Variants in SHANK2 observed in about 807,000 individuals in gnomAD.
SHANK2 encodes the protein SH3 and multiple ankyrin repeat domains protein 2.
In SHANK2, 43 loss-of-function variants were observed where a neutral mutation model predicts 133.7. The ratio of observed to expected loss-of-function variants is 0.32; its 90% CI spans 0.25 to 0.41. The LOEUF (loss-of-function observed/expected upper bound fraction) is 0.41. Ranked by LOEUF, SHANK2 falls within the 10% of genes least tolerant of loss-of-function variation. The pLI, the probability that SHANK2 is intolerant of heterozygous loss-of-function variation, is 1.00. For synonymous variants in SHANK2, 1,017 were observed against 952.8 expected, an observed-to-expected ratio of 1.07 and a Z score of -1.24; for missense variants, 1,994 against 2,235.8, an observed-to-expected ratio of 0.89 and a Z score of 2.18.
intron 17 of SHANK2, among the ~76,000 whole-genome samples, chr11:70,641,102 C>CTT (rs71049932): frequency 5.6e-4 from 78 of 139,088 alleles, no homozygotes; most frequent in African/African-American, 6.7e-4. Context: ...TTTTTCTTTT[C>CTT]TTTTTTTTTT....
chr11:70,945,965 C>A (rs1555085293), intron 10 of SHANK2, among the ~76,000 whole-genome samples: 1 of 152,050 alleles, frequency 6.6e-6, no homozygotes, highest in Non-Finnish European at 1.5e-5. Context: ...CTAACCAACC[C>A]TTCCCAGGCT....
chr11:71,075,764 C>T (rs986971421), intron 8 of SHANK2, among the ~76,000 whole-genome samples: 11 of 152,284 alleles, frequency 7.2e-5, no homozygotes, highest in South Asian at 2.1e-4. Context: ...CCCTGTCCTT[C>T]GACGTGCGAC....
rs1555126030 is a variant in SHANK2 at position 71,252,557 on chromosome 11, C to G, written c.-245G>C. Reference sequence around the variant, plus strand: ...GAGCTCAGGAGCCGCCGCCGCGGCTCAGGTGCAGGGGGTGGGGAAGGACCC... The same window carrying G: ...GAGCTCAGGAGCCGCCGCCGCGGCTGAGGTGCAGGGGGTGGGGAAGGACCC... On this transcript the variant is annotated 5_prime_UTR_variant, in exon 1 of 26. Transcript: ENST00000601538. The surrounding 1 kb of genome is among the most constrained non-coding windows in gnomAD (Gnocchi z 6.3). 6.6e-6 allele frequency: 1 copy of G among 150,852 alleles called. No homozygotes were observed. The highest frequency in any genetic ancestry group is 2.0e-4 in the East Asian group (1 of 5,120). 9.3% of individuals were successfully genotyped at this position (150,852 alleles called of 1,614,324 possible).
chr11:70,580,748 G>A (rs7950739), intron 17 of SHANK2, among the ~76,000 whole-genome samples: 129,820 of 152,288 alleles, frequency 0.85, 55,432 homozygotes, highest in South Asian at 0.91. Context: ...TGGGGCAGGC[G>A]GGAACAGCGA....
chr11:70,942,842 A>G (rs1555084621), intron 10 of SHANK2: 3 of 456,614 alleles, frequency 6.6e-6, no homozygotes, highest in Admixed American at 2.3e-5. Context: ...AATTACATGG[A>G]GCCATAAGAC....
At chr11:71,131,583 C>T (rs1952308931) in intron 3 of SHANK2, among the ~76,000 whole-genome samples, 1 of 152,182 alleles carries the variant, frequency 6.6e-6, no homozygotes, top group Non-Finnish European at 1.5e-5. Context: ...TGATGCTAAA[C>T]TGGGAGACAC....
At chr11:71,216,320 G>A (rs550852713) in intron 2 of SHANK2, among the ~76,000 whole-genome samples, 12 of 152,306 alleles carry the variant, frequency 7.9e-5, no homozygotes, top group African/African-American at 2.2e-4. Flanking sequence ...CATGCTAAAC[G>A]TGGTCAAGCC....
At chr11:70,491,855 G>A (rs1186557695) in intron 22 of SHANK2, among the ~76,000 whole-genome samples, 2 of 152,026 alleles carry the variant, frequency 1.3e-5, no homozygotes, top group Non-Finnish European at 2.9e-5. Context: ...CACCCACTGC[G>A]CCCAGCAGCC....
chr11:70,826,594 G>A (rs1948644382), intron 11 of SHANK2: 1 of 465,784 alleles, frequency 2.1e-6, no homozygotes, highest in Non-Finnish European at 4.5e-6. Context: ...CTCGGTGCTA[G>A]AGCAGCTGGG....
At chr11:70,703,228 G>C (rs1555024183) in intron 14 of SHANK2, among the ~76,000 whole-genome samples, 1 of 152,182 alleles carries the variant, frequency 6.6e-6, no homozygotes. Context: ...TGCTGTGTCT[G>C]GTTTACGGGT....
In SHANK2 at chr11:71,214,431, G is replaced by A. The variant is rs575996012; in HGVS notation, c.-13+10266C>T. 3.9e-5 allele frequency among the ~76,000 whole-genome samples: 6 copies of A among 152,216 alleles called. No homozygotes were observed. The South Asian group carries it at 6.2e-4, about 16-fold the overall frequency. ...CCTCCCTTCTTTTCCACCCACAGCC[G>A]AAACACACACAGCTGGGACTTCTTT... is the stretch of plus-strand genomic sequence containing the variant. On this transcript the variant is annotated intron_variant, in intron 2 of 25. Coordinates refer to ENST00000601538, the MANE Select transcript of SHANK2 (RefSeq NM_012309.5).
At chr11:70,878,970 T>A (rs1314298078) in intron 11 of SHANK2, among the ~76,000 whole-genome samples, 4 of 152,180 alleles carry the variant, frequency 2.6e-5, no homozygotes, top group African/African-American at 7.2e-5. Context: ...CCAGGGGACA[T>A]CCTGAAGTCT....
chr11:70,488,070 G>C (rs1301803678), intron 24 of SHANK2, among the ~76,000 whole-genome samples: 2 of 152,226 alleles, frequency 1.3e-5, no homozygotes, highest in East Asian at 3.9e-4. Flanking sequence ...GCTCGCCTTG[G>C]GGCTGCTTGT....
At chr11:70,740,324 G>C (rs556953547) in intron 14 of SHANK2, among the ~76,000 whole-genome samples, 15 of 152,184 alleles carry the variant, frequency 9.9e-5, no homozygotes, top group Non-Finnish European at 2.2e-4. Flanking sequence ...GACAACCCAT[G>C]AGAAGGGCTC....
At chr11:70,833,746 T>C (rs1373973231) in intron 11 of SHANK2, among the ~76,000 whole-genome samples, 2 of 152,250 alleles carry the variant, frequency 1.3e-5, no homozygotes, top group Non-Finnish European at 2.9e-5. Context: ...TTGTTTATTA[T>C]TGCTGACTGT....
Position 71,210,210 on chromosome 11 carries a change from G to GTATATATATATA in SHANK2, c.-13+14475_-13+14486dup, listed in dbSNP as rs71049962. Among the ~76,000 whole-genome samples the GTATATATATATA allele has an allele frequency of 4.6e-3, 247 of 53,910 alleles. 3 individuals are homozygous for GTATATATATATA. Among genetic ancestry groups the GTATATATATATA allele is most frequent in the African/African-American group, 5.2e-3 (61 of 11,756 alleles). 35.4% of individuals were successfully genotyped at this position (53,910 alleles called of 152,430 possible). ...GGTCCTCTTCATTGGAAATCCACAG[G>GTATATATATATA]TATATATATATATATATATATATAT... is the stretch of plus-strand genomic sequence containing the variant. On this transcript the variant is annotated intron_variant, in intron 2 of 25. Transcript: ENST00000601538.
At chr11:70,579,099 C>T (rs1375920771) in intron 17 of SHANK2, among the ~76,000 whole-genome samples, 1 of 152,160 alleles carries the variant, frequency 6.6e-6, no homozygotes, top group African/African-American at 2.4e-5. Context: ...GGCTGCACAC[C>T]CTAGGCCCTA....
At chr11:70,589,468 C>T (rs2060294400) in intron 17 of SHANK2, among the ~76,000 whole-genome samples, 1 of 152,194 alleles carries the variant, frequency 6.6e-6, no homozygotes, top group Admixed American at 6.5e-5. Context: ...TGCTCATGGA[C>T]AATGAACCTG....
intron 17 of SHANK2, among the ~76,000 whole-genome samples, chr11:70,608,440 A>G (rs1407106767): frequency 6.6e-6 from 1 of 152,140 alleles, no homozygotes; most frequent in African/African-American, 2.4e-5. Context: ...ATGGGGGATC[A>G]TGGGGTCTGG....
Sources: gnomAD v4.1 joint callset for allele counts (sites outside exome capture counted in the v4.1 genomes callset) on GRCh38, gnomAD v4.1.1 for gene constraint, Gnocchi (gnomAD v3.1) non-coding constraint, MANE v1.5 for transcripts, NCBI Gene and HGNC (gene_info 2026-07-23, HGNC 2026-07-21) for gene names.